The following KLRF2 variants were observed in gnomAD, a reference collection of about 807,000 sequenced individuals.
KLRF2 encodes killer cell lectin like receptor F2.
A neutral mutation model predicts 25.3 loss-of-function variants in KLRF2; 28 were observed. That is an observed-to-expected ratio of 1.11 (90% confidence interval 0.82 to 1.52). The LOEUF (loss-of-function observed/expected upper bound fraction) is 1.52. KLRF2 is among the 40% of genes most tolerant of loss of function. KLRF2 has a pLI of 0.00. For missense variants in KLRF2, 265 were observed against 245.8 expected, an observed-to-expected ratio of 1.08 and a Z score of -0.52; for synonymous variants, 73 against 85.0, an observed-to-expected ratio of 0.86 and a Z score of 0.78.
At chr12:9,889,847 T>C (rs1244799600) in intron 3 of KLRF2, among the ~76,000 whole-genome samples, 2 of 152,090 alleles carry the variant, frequency 1.3e-5, no homozygotes, top group Admixed American at 6.6e-5. Flanking sequence ...TTATATGCTA[T>C]ATCAATATAT....
chr12:9,884,751 C>T (rs1001862587), intron 1 of KLRF2, among the ~76,000 whole-genome samples, 183 bp from the exon 2 acceptor site: 4 of 151,256 alleles, frequency 2.6e-5, no homozygotes, highest in East Asian at 3.9e-4. Flanking sequence ...CAATCCAAAA[C>T]GTTTAATAAT....
At position 9,893,112 on chromosome 12, in the gene KLRF2, C is replaced by G. The variant is rs995915472; in HGVS notation, c.310C>G (p.Arg104Gly). 6.5e-7 allele frequency: 1 copy of G among 1,535,478 alleles called. No homozygotes were observed. The highest frequency in any genetic ancestry group is 1.4e-5 in the African/African-American group (1 of 72,974). Residue 104 changes from arginine to glycine, a missense_variant, in exon 4 of 6, where the codon CGT becomes GGT. Arg to Gly is a moderately radical substitution (Grantham distance 125, BLOSUM62 -2). Transcript: ENST00000535540. ...TTTTAAAACGTGGAAAGAGAGTCAACGTGATTGTACACAGCTACAGGCACA... is the reference window on the plus strand; with the variant it reads ...TTTTAAAACGTGGAAAGAGAGTCAAGGTGATTGTACACAGCTACAGGCACA... Reference protein sequence around the residue: ...TSFKTWKESQRDCTQLQAHLL... With the variant: ...TSFKTWKESQGDCTQLQAHLL...
chr12:9,881,522 T>C lies in KLRF2; in HGVS notation c.-74T>C, dbSNP rs1868095013. 2 of 1,083,610 alleles carry C rather than the reference T, an allele frequency of 1.8e-6. No individual in the cohort carries two copies. The highest frequency in any genetic ancestry group is 2.7e-6 in the Non-Finnish European group (2 of 745,504). The allele number at this position is 1,083,610 out of a possible 1,614,324, so 67.1% of individuals were successfully genotyped here. On this transcript the variant is annotated 5_prime_UTR_variant, in exon 1 of 6. Transcript: ENST00000535540. ...TTTAGTACCTTGTGCCAAAGAGACA[T>C]ATCCAAGGTTGAGATTAGTTTCCAT...
chr12:9,882,920 A>C (rs186849634), intron 1 of KLRF2, among the ~76,000 whole-genome samples: 57 of 152,376 alleles, frequency 3.7e-4, no homozygotes, highest in African/African-American at 1.3e-3. Flanking sequence ...TTTTATGTGG[A>C]TGTTAAACTA....
Position 9,893,506 on chromosome 12 carries a change from G to T in KLRF2, c.444G>T (p.Trp148Cys). 1 of 1,513,330 alleles carries T rather than the reference G, an allele frequency of 6.6e-7. No individual in the cohort carries two copies. The highest frequency in any genetic ancestry group is 8.9e-7 in the Non-Finnish European group (1 of 1,129,010). 93.7% of individuals were successfully genotyped at this position (1,513,330 alleles called of 1,614,324 possible). Residue 148 changes from tryptophan to cysteine, a missense_variant, in exon 5 of 6, where the codon TGG becomes TGT. Physicochemically the swap from Trp to Cys is radical, Grantham distance 215. Transcript: ENST00000535540. ...GLYVTFQGNL[W>C]MWIDEHFLVP... Reference sequence around the variant, plus strand: ...ATGTTACATTCCAAGGGAACCTATGGATGTGGATAGATGAACACTTTTTAG... The same window carrying T: ...ATGTTACATTCCAAGGGAACCTATGTATGTGGATAGATGAACACTTTTTAG...
intron 2 of KLRF2, among the ~76,000 whole-genome samples, chr12:9,886,347 A>C (rs911122822): frequency 2.0e-5 from 3 of 152,208 alleles, no homozygotes; most frequent in African/African-American, 7.2e-5. Context: ...TAGAAGAAGA[A>C]AAGATAACAA....
intron 3 of KLRF2, among the ~76,000 whole-genome samples, chr12:9,891,771 TTAGGTCATAA>T (rs1453663758): frequency 6.6e-6 from 1 of 152,138 alleles, no homozygotes; most frequent in African/African-American, 2.4e-5. Flanking sequence ...GAATCTAAAT[TTAGGTCATAA>T]TAACCTTCTT....
Position 9,895,686 on chromosome 12 carries a change from T to C in KLRF2, c.480-3T>C. 6.6e-7 allele frequency: 1 copy of C among 1,522,656 alleles called. No individual in the cohort carries two copies. The highest frequency in any genetic ancestry group is 8.7e-7 in the Non-Finnish European group (1 of 1,142,948). 94.3% of individuals were successfully genotyped at this position (1,522,656 alleles called of 1,614,324 possible). A position where few individuals can be genotyped will look rare whatever the true frequency, so the allele number is the denominator to read the frequency against. On this transcript the variant is annotated splice_region_variant and splice_polypyrimidine_tract_variant and intron_variant, in intron 5 of 5. Transcript: ENST00000535540. ...GCTGAAAAATCTGTCCTTTGTCTCT[T>C]AGGTTTTCAGTGATTGGACCAACTG...
At chr12:9,885,196 T>G (rs1389212050) in intron 2 of KLRF2, among the ~76,000 whole-genome samples, 164 bp downstream of exon 2, 1 of 151,788 alleles carries the variant, frequency 6.6e-6, no homozygotes, top group Non-Finnish European at 1.5e-5. Flanking sequence ...AATGCAAGCT[T>G]GGTATTTATT....
intron 3 of KLRF2, among the ~76,000 whole-genome samples, chr12:9,892,567 T>C (rs1862690156): frequency 6.6e-6 from 1 of 150,398 alleles, no homozygotes; most frequent in African/African-American, 2.4e-5. Context: ...ATTATTCTCA[T>C]TTTACAGAAC....
chr12:9,894,714 C>T (rs1382067513), intron 5 of KLRF2, among the ~76,000 whole-genome samples: 1 of 152,090 alleles, frequency 6.6e-6, no homozygotes, highest in Non-Finnish European at 1.5e-5. Context: ...AGATATTTAT[C>T]TACTCCTGGA....
At chr12:9,891,917 CAT>C (rs1299889433) in intron 3 of KLRF2, among the ~76,000 whole-genome samples, 6 of 152,040 alleles carry the variant, frequency 3.9e-5, no homozygotes, top group African/African-American at 1.2e-4. Context: ...GAAAATATGA[CAT>C]GTTTTAACTT....
Position 9,893,122 on chromosome 12 carries a change from C to A in KLRF2, c.320C>A (p.Thr107Lys). ...TGGAAAGAGAGTCAACGTGATTGTA[C>A]ACAGCTACAGGCACATTTACTGGTG... ...KTWKESQRDC[T>K]QLQAHLLVIQ... Residue 107 changes from threonine (T) to lysine (K), a missense_variant, in exon 4 of 6, where the codon ACA (threonine) becomes AAA (lysine). Physicochemically the swap from Thr to Lys is moderately conservative, Grantham distance 78. Coordinates refer to ENST00000535540, the MANE Select transcript of KLRF2 (RefSeq NM_001190765.1). 1 of 1,535,634 alleles carries A rather than the reference C, an allele frequency of 6.5e-7. No homozygotes were observed. Among genetic ancestry groups the A allele is most frequent in the South Asian group, 1.2e-5 (1 of 84,042 alleles).
intron 5 of KLRF2, 137 bp from the exon 6 acceptor site, chr12:9,895,552 T>C: frequency 1.4e-6 from 1 of 718,576 alleles, no homozygotes; most frequent in Non-Finnish European, 2.2e-6. Flanking sequence ...GCATTAGCAA[T>C]GAAAATTCCA....
intron 2 of KLRF2, among the ~76,000 whole-genome samples, chr12:9,886,341 A>G (rs1862597447): frequency 6.6e-6 from 1 of 152,212 alleles, no homozygotes; most frequent in Non-Finnish European, 1.5e-5. Flanking sequence ...TATCCATAGA[A>G]GAAGAAAAGA....
At chr12:9,887,525 T>C (rs1862612612) in intron 2 of KLRF2, among the ~76,000 whole-genome samples, 3 of 152,128 alleles carry the variant, frequency 2.0e-5, no homozygotes. Context: ...TGTTTTGGAA[T>C]AACAACAGCA....
At chr12:9,881,933 CT>C (rs1177780845) in intron 1 of KLRF2, among the ~76,000 whole-genome samples, 1 of 151,924 alleles carries the variant, frequency 6.6e-6, no homozygotes, top group African/African-American at 2.4e-5. Flanking sequence ...GAAGAAAAGG[CT>C]GAAAAATTGT....
chr12:9,894,073 CTCTT>C (rs1044212766), intron 5 of KLRF2, among the ~76,000 whole-genome samples: 5 of 149,400 alleles, frequency 3.3e-5, no homozygotes, highest in African/African-American at 1.2e-4. Context: ...TTTTTTCTTT[CTCTT>C]TCTCTCTTCT....
rs528889856 is a variant in KLRF2 at position 9,895,769 on chromosome 12, C to T, written c.560C>T (p.Ser187Phe). 6.5e-7 allele frequency: 1 copy of T among 1,535,808 alleles called. No individual in the cohort carries two copies. Among genetic ancestry groups the T allele is most frequent in the African/African-American group, 1.4e-5 (1 of 73,130 alleles). ...TGGGTGTATTCTGAAGACTGTAGCTCCACATTTAAGGGCATTTGCCAGAGA... is the reference window on the plus strand; with the variant it reads ...TGGGTGTATTCTGAAGACTGTAGCTTCACATTTAAGGGCATTTGCCAGAGA... Reference protein sequence around the residue: ...GNWVYSEDCSSTFKGICQRDA... With the variant: ...GNWVYSEDCSFTFKGICQRDA... The change falls in exon 6 of 6, where the codon TCC (serine) becomes TTC (phenylalanine). Residue 187 changes from serine (S) to phenylalanine (F), a missense_variant. Transcript: ENST00000535540.
Sources: gnomAD v4.1 joint callset for allele counts (sites outside exome capture counted in the v4.1 genomes callset) on GRCh38, gnomAD v4.1.1 for gene constraint, MANE v1.5 for transcripts, NCBI Gene and HGNC (gene_info 2026-07-23, HGNC 2026-07-21) for gene names.